Variants in DYNLRB2 observed in about 807,000 individuals in gnomAD.
DYNLRB2 encodes the protein bithoraxoid-like protein.
In DYNLRB2, 14 loss-of-function variants were observed where a neutral mutation model predicts 12.6. That is an observed-to-expected ratio of 1.11 (90% CI 0.73 to 1.73). The LOEUF (loss-of-function observed/expected upper bound fraction) is 1.73. Ranked by LOEUF, DYNLRB2 falls within the 40% of genes most tolerant of loss-of-function variation. The pLI, the probability that DYNLRB2 is intolerant of heterozygous loss-of-function variation, is 0.00. For synonymous variants in DYNLRB2, 53 were observed against 37.0 expected (o/e 1.43, Z -1.57); for missense variants, 142 against 117.7 (o/e 1.21, Z -0.95).
intron 1 of DYNLRB2, 62 bp from the exon 2 acceptor site, chr16:80,543,214 C>T: frequency 6.6e-7 from 1 of 1,516,652 alleles, no homozygotes; most frequent in South Asian, 1.1e-5. Context: ...AAACATTATT[C>T]TCCTTAGGGT....
At chr16:80,549,742 G>A in intron 3 of DYNLRB2, 91 bp downstream of exon 3, 1 of 1,286,452 alleles carries the variant, frequency 7.8e-7, no homozygotes, top group East Asian at 2.5e-5. Flanking sequence ...ACAGATTTTA[G>A]TATAGAATAT....
At chr16:80,548,488 A>G (rs1365956989) in intron 2 of DYNLRB2, among the ~76,000 whole-genome samples, 1 of 152,176 alleles carries the variant, frequency 6.6e-6, no homozygotes, top group Non-Finnish European at 1.5e-5. Context: ...GCACTGTGGG[A>G]GGCATGAGGC....
intron 1 of DYNLRB2, among the ~76,000 whole-genome samples, chr16:80,541,800 CAG>C (rs1257464958): frequency 6.6e-6 from 1 of 152,158 alleles, no homozygotes. Context: ...AATAAGGACA[CAG>C]TGGCTGTAAG....
At chr16:80,550,481 T>A in intron 3 of DYNLRB2, 34 bp from the exon 4 acceptor site, 1 of 1,610,856 alleles carries the variant, frequency 6.2e-7, no homozygotes, top group Non-Finnish European at 8.5e-7. Flanking sequence ...AAATTTAAAT[T>A]AAGGGTGAAT....
chr16:80,541,145 C>A, intron 1 of DYNLRB2, 66 bp downstream of exon 1: 1 of 1,559,676 alleles, frequency 6.4e-7, no homozygotes, highest in Non-Finnish European at 8.7e-7. Flanking sequence ...GACCTTCGCA[C>A]CCAGCTTCTG....
intron 2 of DYNLRB2, among the ~76,000 whole-genome samples, chr16:80,547,489 T>G (rs1904547150): frequency 1.7e-5 from 2 of 117,084 alleles, no homozygotes; most frequent in East Asian, 2.5e-4. Flanking sequence ...AAACTCCATG[T>G]GTTTCCACCG....
rs1006841635 is a variant in DYNLRB2 at position 80,548,054 on chromosome 16, C to T, written c.80-1430C>T. 8.9e-5 allele frequency: 27 copies of T among 302,092 alleles called. No individual in the cohort carries two copies. The East Asian group carries it at 2.2e-3, about 25-fold the overall frequency. The allele number at this position is 302,092 out of a possible 1,614,324, so 18.7% of individuals were successfully genotyped here. ...CTTCCATTCTTGAAAGCGCTTGTCT[C>T]GTTTAATCGTTTCTGGACCCACATT... On this transcript the variant is annotated intron_variant, in intron 2 of 3. Transcript: ENST00000305904.
At position 80,550,661 on chromosome 16, in the gene DYNLRB2, T is replaced by A. The variant is rs1344690910; in HGVS notation, c.*103T>A. 7.8e-7 allele frequency: 1 copy of A among 1,277,570 alleles called. No homozygotes were observed. Among genetic ancestry groups the A allele is most frequent in the African/African-American group, 1.5e-5 (1 of 67,492 alleles). 79.1% of individuals were successfully genotyped at this position (1,277,570 alleles called of 1,614,324 possible). ...TCAATCTAACTGACCCTTCAAACATTCTTTTCTATTTCTATATCTAAACTG... is the reference window on the plus strand; with the variant it reads ...TCAATCTAACTGACCCTTCAAACATACTTTTCTATTTCTATATCTAAACTG... On this transcript the variant is annotated 3_prime_UTR_variant, in exon 4 of 4. Coordinates refer to ENST00000305904, the MANE Select transcript of DYNLRB2 (RefSeq NM_130897.3).
chr16:80,541,832 A>G (rs1904291244), intron 1 of DYNLRB2, among the ~76,000 whole-genome samples: 1 of 152,230 alleles, frequency 6.6e-6, no homozygotes, highest in South Asian at 2.1e-4. Context: ...ACATCGTCTT[A>G]AAGATTGCCC....
intron 2 of DYNLRB2, among the ~76,000 whole-genome samples, chr16:80,545,384 A>C (rs1015577683): frequency 1.3e-5 from 2 of 152,194 alleles, no homozygotes; most frequent in Non-Finnish European, 2.9e-5. Context: ...ACATTACTCT[A>C]TTTAAAAGGT....
intron 2 of DYNLRB2, chr16:80,548,004 G>C: frequency 8.9e-6 from 3 of 337,856 alleles, no homozygotes; most frequent in South Asian, 7.0e-5. Context: ...ATGAAAACCT[G>C]GTAAAATCCT....
chr16:80,548,180 T>G lies in DYNLRB2; in HGVS notation c.80-1304T>G, dbSNP rs1249452373. ...GCAATTCCAAATTCACCTTCATATCTCCTCCTAAAATAAAAGCACATTTGC... is the reference window on the plus strand; with the variant it reads ...GCAATTCCAAATTCACCTTCATATCGCCTCCTAAAATAAAAGCACATTTGC... On this transcript the variant is annotated intron_variant, in intron 2 of 3. Coordinates refer to ENST00000305904, the MANE Select transcript of DYNLRB2 (RefSeq NM_130897.3). 3.0e-5 allele frequency: 5 copies of G among 166,992 alleles called. No homozygotes were observed. In the South Asian group the frequency reaches 7.1e-4, roughly 24 times the overall value. 10.3% of individuals were successfully genotyped at this position (166,992 alleles called of 1,614,324 possible). A position where few individuals can be genotyped will look rare whatever the true frequency, so the allele number is the denominator to read the frequency against.
At chr16:80,545,271 G>C (rs1206153879) in intron 2 of DYNLRB2, among the ~76,000 whole-genome samples, 1 of 152,024 alleles carries the variant, frequency 6.6e-6, no homozygotes, top group African/African-American at 2.4e-5. Context: ...TACTCACTGA[G>C]GCATCATATA....
At chr16:80,548,215 C>A (rs1904601913) in intron 2 of DYNLRB2, 1 of 168,366 alleles carries the variant, frequency 5.9e-6, no homozygotes, top group African/African-American at 2.4e-5. Flanking sequence ...CAAATCAAAT[C>A]CCTGGCTATC....
chr16:80,541,050 T>G lies in DYNLRB2; in HGVS notation c.-27T>G. 21 of 1,607,258 alleles carry G rather than the reference T, an allele frequency of 1.3e-5. No individual in the cohort carries two copies. The highest frequency in any genetic ancestry group is 1.7e-5 in the Non-Finnish European group (20 of 1,176,178). On this transcript the variant is annotated 5_prime_UTR_variant, in exon 1 of 4. Coordinates refer to ENST00000305904, the MANE Select transcript of DYNLRB2 (RefSeq NM_130897.3). ...ATCCCGGGAGGCTGTGCCGCCGGCC[T>G]GAGCCCAGAGTTTCGCGGCCTCCGC...
chr16:80,544,599 C>G (rs531597192), intron 2 of DYNLRB2: 32 of 152,314 alleles, frequency 2.1e-4, no homozygotes, highest in Admixed American at 1.8e-3. Context: ...GATGAGCCGT[C>G]CATGTGATTT....
intron 2 of DYNLRB2, chr16:80,547,889 A>G (rs1567518258): frequency 6.6e-6 from 3 of 455,684 alleles, no homozygotes; most frequent in Admixed American, 2.4e-5. Flanking sequence ...TTTCCTGTAA[A>G]TATTATCCTC....
intron 2 of DYNLRB2, among the ~76,000 whole-genome samples, chr16:80,545,728 C>T (rs1175566993): frequency 1.7e-5 from 2 of 117,540 alleles, no homozygotes; most frequent in Admixed American, 2.4e-4. Context: ...AGTGCAGTGG[C>T]AGGATCTCAG....
Position 80,549,619 on chromosome 16 carries a change from G to A in DYNLRB2, c.215G>A (p.Arg72Lys). 6.2e-7 allele frequency: 1 copy of A among 1,608,266 alleles called. No homozygotes were observed. The highest frequency in any genetic ancestry group is 8.5e-7 in the Non-Finnish European group (1 of 1,175,586). The change falls in exon 3 of 4, where the codon AGA (arginine) becomes AAA (lysine). Residue 72 changes from arginine (R) to lysine (K), a missense_variant. Transcript: ENST00000305904. Reference protein sequence around the residue: ...PQNDLTFLRIRSKKHEIMVAP... With the variant: ...PQNDLTFLRIKSKKHEIMVAP... ...AACGACCTGACTTTTCTTAGGATCAGATCAAAGAAACATGAAATCATGGTA... is the reference window on the plus strand; with the variant it reads ...AACGACCTGACTTTTCTTAGGATCAAATCAAAGAAACATGAAATCATGGTA...
Sources: allele counts gnomAD v4.1 joint callset (sites outside exome capture counted in the v4.1 genomes callset), GRCh38; gene constraint gnomAD v4.1.1; transcripts MANE v1.5; gene names NCBI Gene and HGNC (gene_info 2026-07-23, HGNC 2026-07-21).